Variants in SLC41A3 observed in about 807,000 individuals in gnomAD.
The protein encoded by SLC41A3 is solute carrier family 41 member 3.
SLC41A3 carries 44 observed loss-of-function variants against 45.4 expected under a neutral mutation model. That is an observed-to-expected ratio of 0.97 (90% CI 0.76 to 1.25). The LOEUF is 1.25. Among genes scored for constraint, SLC41A3 ranks in the 50% most tolerant of loss-of-function variants. The pLI is 0.00. For synonymous variants in SLC41A3, 256 were observed against 252.4 expected, an observed-to-expected ratio of 1.01 and a Z score of -0.13; for missense variants, 550 against 600.6, an observed-to-expected ratio of 0.92 and a Z score of 0.88.
chr3:126,067,100 C>T (rs1017752826), intron 2 of SLC41A3, among the ~76,000 whole-genome samples: 3 of 121,484 alleles, frequency 2.5e-5, no homozygotes, highest in Non-Finnish European at 5.0e-5. Flanking sequence ...ACCGCCCCCC[C>T]GCCCCCCGCC....
intron 1 of SLC41A3, among the ~76,000 whole-genome samples, chr3:126,070,703 A>G (rs952780330): frequency 3.9e-5 from 6 of 152,206 alleles, no homozygotes; most frequent in Admixed American, 2.6e-4. Flanking sequence ...GACACAGAGC[A>G]TTCGTCCCCA....
At chr3:126,045,213 C>T (rs961862300) in intron 3 of SLC41A3, among the ~76,000 whole-genome samples, 4 of 151,198 alleles carry the variant, frequency 2.6e-5, no homozygotes, top group Admixed American at 6.6e-5. Context: ...TAAACTTATA[C>T]CTTAAGAAAC....
chr3:126,015,724 T>G (rs1409940422), intron 7 of SLC41A3, 151 bp from the exon 8 acceptor site: 3 of 727,190 alleles, frequency 4.1e-6, no homozygotes, highest in Non-Finnish European at 7.0e-6. Flanking sequence ...GCGGCCAAAC[T>G]GGTCTCCCCA....
At chr3:126,094,183 G>T (rs921382340) in intron 1 of SLC41A3, among the ~76,000 whole-genome samples, 1 of 152,168 alleles carries the variant, frequency 6.6e-6, no homozygotes, top group Non-Finnish European at 1.5e-5. Flanking sequence ...ATGAAATGGG[G>T]TATGTCCCTG....
chr3:126,021,209 T>A (rs1406378455), intron 6 of SLC41A3, among the ~76,000 whole-genome samples: 2 of 147,802 alleles, frequency 1.4e-5, no homozygotes, highest in African/African-American at 5.1e-5. Context: ...AGAGTTTTTA[T>A]ACCCCCTATC....
intron 2 of SLC41A3, chr3:126,058,304 T>C (rs1028924181): frequency 6.6e-6 from 1 of 152,276 alleles, no homozygotes; most frequent in South Asian, 2.1e-4. Flanking sequence ...ATCCGTGATC[T>C]CGCTATTTCA....
At chr3:126,035,146 A>G (rs936402054) in intron 3 of SLC41A3, among the ~76,000 whole-genome samples, 9 of 152,254 alleles carry the variant, frequency 5.9e-5, no homozygotes, top group African/African-American at 1.2e-4. Context: ...AAAGGGATTA[A>G]GATTTCAGAG....
chr3:126,025,293 CT>C (rs1414601454), intron 5 of SLC41A3: 1 of 152,158 alleles, frequency 6.6e-6, no homozygotes, highest in East Asian at 1.9e-4. Flanking sequence ...CCGCATCTGT[CT>C]CCCGTGTGTC....
intron 4 of SLC41A3, among the ~76,000 whole-genome samples, chr3:126,027,648 G>C (rs1339256041): frequency 6.6e-6 from 1 of 152,210 alleles, no homozygotes; most frequent in Admixed American, 6.5e-5. Context: ...AACGAGCAGA[G>C]GGTGGAAGAG....
chr3:126,030,088 A>G (rs1177476445), intron 4 of SLC41A3, among the ~76,000 whole-genome samples: 3 of 148,340 alleles, frequency 2.0e-5, no homozygotes, highest in Non-Finnish European at 3.0e-5. Context: ...AAATAAATAT[A>G]ATACATATGT....
intron 4 of SLC41A3, among the ~76,000 whole-genome samples, chr3:126,028,335 G>A (rs1026609721): frequency 2.0e-5 from 3 of 152,172 alleles, no homozygotes; most frequent in South Asian, 2.1e-4. Context: ...TGTCCCAGTC[G>A]CTCAAGCTCC....
At chr3:126,080,091 A>G (rs532695902) in intron 1 of SLC41A3, among the ~76,000 whole-genome samples, 8 of 152,346 alleles carry the variant, frequency 5.3e-5, no homozygotes, top group Admixed American at 2.0e-4. Context: ...AAAGGCTTAT[A>G]TGATTTAAAA....
chr3:126,048,895 T>G (rs571017345), intron 3 of SLC41A3, among the ~76,000 whole-genome samples: 19 of 151,640 alleles, frequency 1.3e-4, no homozygotes, highest in African/African-American at 4.6e-4. Flanking sequence ...TTTTTATTGT[T>G]ATCAATTTAT....
chr3:126,006,620 A>G lies in SLC41A3; in HGVS notation c.*396T>C. On this transcript the variant is annotated 3_prime_UTR_variant, in exon 11 of 11. Transcript: ENST00000360370. ...AAGAGTTCTGAGGCTTGGGAACAGA[A>G]AAGAGCTCCTTCCTGCTCCACCCCA... The G allele has an allele frequency of 6.4e-7, 1 of 1,557,574 alleles. No homozygotes were observed. The highest frequency in any genetic ancestry group is 8.6e-7 in the Non-Finnish European group (1 of 1,159,112).
At chr3:126,079,227 C>T (rs1005921729) in intron 1 of SLC41A3, among the ~76,000 whole-genome samples, 1 of 137,680 alleles carries the variant, frequency 7.3e-6, no homozygotes, top group Non-Finnish European at 1.6e-5. Context: ...CACACACACA[C>T]ACACACACAC....
In SLC41A3 at chr3:126,007,114, C is replaced by T. The variant is rs148497274; in HGVS notation, c.1366G>A (p.Gly456Ser). Reference sequence around the variant, plus strand: ...AAGCAGAGTGCCAGGAGGCCAGTACCGAGCAGGTCCCCCAGCCCTGTAAGG... The same window carrying T: ...AAGCAGAGTGCCAGGAGGCCAGTACTGAGCAGGTCCCCCAGCCCTGTAAGG... ...PYLTGLGDLL[G>S]TGLLALCFFT... Residue 456 changes from glycine to serine, a missense_variant, in exon 11 of 11, where the codon GGT (glycine) becomes AGT (serine). Transcript: ENST00000360370. 1.4e-4 allele frequency: 220 copies of T among 1,614,102 alleles called. No individual in the cohort carries two copies. Among genetic ancestry groups the T allele is most frequent in the Non-Finnish European group, 1.7e-4 (198 of 1,180,052 alleles).
At chr3:126,046,209 C>T (rs1176267556) in intron 3 of SLC41A3, among the ~76,000 whole-genome samples, 1 of 152,162 alleles carries the variant, frequency 6.6e-6, no homozygotes, top group African/African-American at 2.4e-5. Flanking sequence ...GCTTTCACTA[C>T]TTCTTTTTAA....
At chr3:126,039,756 A>G (rs796879300) in intron 3 of SLC41A3, among the ~76,000 whole-genome samples, 9 of 152,352 alleles carry the variant, frequency 5.9e-5, no homozygotes, top group African/African-American at 2.2e-4. Flanking sequence ...TAAAAGAGAT[A>G]CTTTGAGGCT....
intron 1 of SLC41A3, among the ~76,000 whole-genome samples, chr3:126,076,129 C>T (rs1440486471): frequency 6.6e-6 from 1 of 152,126 alleles, no homozygotes; most frequent in African/African-American, 2.4e-5. Context: ...TACAATTCAA[C>T]AATAAAAAGA....
Sources: allele counts gnomAD v4.1 joint callset (sites outside exome capture counted in the v4.1 genomes callset), GRCh38; gene constraint gnomAD v4.1.1; transcripts MANE v1.5; gene names NCBI Gene and HGNC (gene_info 2026-07-23, HGNC 2026-07-21).